The following RNF212B variants were observed in gnomAD, a reference collection of about 807,000 sequenced individuals.
RNF212B encodes the protein ring finger protein 212B.
In RNF212B, 52 loss-of-function variants were observed where a neutral mutation model predicts 55.5. The observed-to-expected ratio is 0.94, with a 90% CI of 0.75 to 1.18. RNF212B has a LOEUF of 1.18. Among genes scored for constraint, RNF212B ranks in the 50% most tolerant of loss-of-function variants. The pLI is 0.00. For missense variants in RNF212B, 289 were observed against 350.4 expected (o/e 0.82, Z 1.40); for synonymous variants, 99 against 121.4 (o/e 0.82, Z 1.21).
intron 4 of RNF212B, among the ~76,000 whole-genome samples, chr14:23,251,822 AAAAG>A (rs965028301): frequency 1.3e-5 from 2 of 151,776 alleles, no homozygotes; most frequent in African/African-American, 2.4e-5. Context: ...CTCAAAAAAA[AAAAG>A]AAAGAAAGAA....
At position 23,231,720 on chromosome 14, in the gene RNF212B, G is replaced by A. The variant is rs868329878; in HGVS notation, c.-1-8625G>A. On this transcript the variant is annotated intron_variant, in intron 2 of 15. Coordinates refer to the RNF212B transcript ENST00000399910. The stretch of plus-strand genomic sequence containing the variant: ...AGCTGGACTGTACTGCTGCCATCTC[G>A]GCTCACTGCAACCTCCCTGCCTGAT... Among the ~76,000 whole-genome samples the A allele has an allele frequency of 8.5e-5, 13 of 152,054 alleles. No homozygotes were observed. The South Asian group carries it at 2.5e-3, about 29-fold the overall frequency.
At chr14:23,260,725 G>GA in intron 7 of RNF212B, 38 bp downstream of exon 7, 2 of 1,539,352 alleles carry the variant, frequency 1.3e-6, no homozygotes, top group Non-Finnish European at 1.8e-6. Flanking sequence ...CCAGCCCCCT[G>GA]AAAATTCCTG....
chr14:23,272,978 G>A lies in RNF212B; in HGVS notation c.*87G>A. 2.8e-6 allele frequency: 2 copies of A among 723,188 alleles called. No individual in the cohort carries two copies. Among genetic ancestry groups the A allele is most frequent in the Non-Finnish European group, 4.5e-6 (2 of 444,362 alleles). The allele number at this position is 723,188 out of a possible 1,614,324, so 44.8% of individuals were successfully genotyped here. On this transcript the variant is annotated 3_prime_UTR_variant, in exon 15 of 15. Coordinates refer to ENST00000430154, the MANE Select transcript of RNF212B (RefSeq NM_001282322.3). ...ATTAGGGGTGATGGCCCTGGAAAATGTATCCCTGCATTGTTTCCTAGTTTC... is the reference window on the plus strand; with the variant it reads ...ATTAGGGGTGATGGCCCTGGAAAATATATCCCTGCATTGTTTCCTAGTTTC...
intron 4 of RNF212B, among the ~76,000 whole-genome samples, chr14:23,255,368 T>A (rs950344116): frequency 6.6e-6 from 1 of 152,180 alleles, no homozygotes; most frequent in Non-Finnish European, 1.5e-5. Context: ...ATGGTAGGAA[T>A]CCAGAGCATG....
chr14:23,201,410 A>G (rs368178670), intron 2 of RNF212B, among the ~76,000 whole-genome samples: 2 of 152,246 alleles, frequency 1.3e-5, no homozygotes, highest in East Asian at 3.8e-4. Context: ...TTAACTTAAC[A>G]TAACAATTAT....
chr14:23,217,278 T>C (rs994983091), intron 2 of RNF212B, among the ~76,000 whole-genome samples: 61 of 149,688 alleles, frequency 4.1e-4, no homozygotes, highest in East Asian at 2.0e-3. Context: ...CCTCTGCCTG[T>C]GGAAAGGGGA....
chr14:23,269,998 A>C (rs140962722), intron 13 of RNF212B, 38 bp downstream of exon 13: 9 of 1,075,250 alleles, frequency 8.4e-6, no homozygotes, highest in Admixed American at 2.0e-5. Flanking sequence ...TGGAGCTTCA[A>C]CTATAGACAC....
At chr14:23,240,654 CT>C (rs1883502253) in intron 2 of RNF212B, among the ~76,000 whole-genome samples, 1 of 152,136 alleles carries the variant, frequency 6.6e-6, no homozygotes, top group South Asian at 2.1e-4. Flanking sequence ...TTTAGCAAAT[CT>C]ATTACTTGAG....
At chr14:23,220,350 G>T (rs1427892152) in intron 2 of RNF212B, among the ~76,000 whole-genome samples, 1 of 152,006 alleles carries the variant, frequency 6.6e-6, no homozygotes, top group Admixed American at 6.6e-5. Context: ...TGGCTAACAT[G>T]GCAAAACCCC....
In RNF212B at chr14:23,272,754, T is replaced by C. The variant is rs183413502; in HGVS notation, c.835-69T>C. ...GTCTCGATAAGCTTCATACAACAGG[T>C]CAGAGAGACTTGCTTGCCCTTTTTG... is the stretch of plus-strand genomic sequence containing the variant. On this transcript the variant is annotated intron_variant, in intron 14 of 14. Coordinates refer to ENST00000430154, the MANE Select transcript of RNF212B (RefSeq NM_001282322.3). 1,180 of 938,400 alleles carry C rather than the reference T, an allele frequency of 1.3e-3. 3 individuals carry two copies. The highest frequency in any genetic ancestry group is 1.7e-3 in the Admixed American group (86 of 50,188). The allele number at this position is 938,400 out of a possible 1,614,324, so 58.1% of individuals were successfully genotyped here.
At chr14:23,211,275 C>T (rs147845323) in intron 2 of RNF212B, among the ~76,000 whole-genome samples, 1 of 150,838 alleles carries the variant, frequency 6.6e-6, no homozygotes, top group East Asian at 1.9e-4. Flanking sequence ...AATGGACGAA[C>T]TCCTTGAAAG....
At chr14:23,254,129 TA>T (rs1260274161) in intron 4 of RNF212B, among the ~76,000 whole-genome samples, 1 of 151,054 alleles carries the variant, frequency 6.6e-6, no homozygotes, top group Non-Finnish European at 1.5e-5. Context: ...AGAAAAAAAT[TA>T]AAAAATTAGA....
intron 2 of RNF212B, among the ~76,000 whole-genome samples, chr14:23,228,462 C>CAAAA (rs776673043): frequency 1.2e-4 from 9 of 76,084 alleles, no homozygotes; most frequent in Non-Finnish European, 2.2e-4. Flanking sequence ...CTATCTCTAC[C>CAAAA]AAAAAAAAAA....
At chr14:23,226,294 C>T (rs1314510318) in intron 2 of RNF212B, among the ~76,000 whole-genome samples, 2 of 82,304 alleles carry the variant, frequency 2.4e-5, no homozygotes, top group Admixed American at 1.3e-4. Context: ...AAGAAACCGT[C>T]TCAAAAAAAA....
In RNF212B at chr14:23,268,983, CT is replaced by C; in HGVS notation, c.674+25del. On this transcript the variant is annotated intron_variant, in intron 12 of 14. Transcript: ENST00000430154. ...TTATAGGTCAGTAACACTATGCTTCCTTTTTCTTGGGATGTGTTCATACTTA... is the reference window on the plus strand; with the variant it reads ...TTATAGGTCAGTAACACTATGCTTCCTTTTCTTGGGATGTGTTCATACTTA... 3 of 1,544,920 alleles carry C rather than the reference CT, an allele frequency of 1.9e-6. No homozygotes were observed. The highest frequency in any genetic ancestry group is 2.6e-6 in the Non-Finnish European group (3 of 1,141,748).
chr14:23,268,469 T>C (rs1885848518), intron 11 of RNF212B, among the ~76,000 whole-genome samples: 1 of 152,226 alleles, frequency 6.6e-6, no homozygotes, highest in South Asian at 2.1e-4. Flanking sequence ...AAGCCCTTTG[T>C]TAATTTTCAG....
At chr14:23,202,541 G>A (rs1879401541) in intron 2 of RNF212B, among the ~76,000 whole-genome samples, 1 of 152,134 alleles carries the variant, frequency 6.6e-6, no homozygotes, top group Non-Finnish European at 1.5e-5. Flanking sequence ...AGGGCCTAAA[G>A]ATGAGGCTTT....
intron 3 of RNF212B, 117 bp downstream of exon 3, chr14:23,243,425 G>A (rs1374859785): frequency 3.1e-6 from 3 of 974,210 alleles, no homozygotes; most frequent in Non-Finnish European, 4.7e-6. Flanking sequence ...ACCGGGCGTG[G>A]TGGCTCAGGC....
intron 1 of RNF212B, among the ~76,000 whole-genome samples, chr14:23,239,975 G>A (rs1363837998): frequency 5.7e-4 from 81 of 141,930 alleles, no homozygotes; most frequent in African/African-American, 1.8e-3. Flanking sequence ...AAACCTGGGG[G>A]AAAAAAAAGT....
Sources: gnomAD v4.1 joint callset for allele counts (sites outside exome capture counted in the v4.1 genomes callset) on GRCh38, gnomAD v4.1.1 for gene constraint, MANE v1.5 for transcripts, NCBI Gene and HGNC (gene_info 2026-07-23, HGNC 2026-07-21) for gene names.